Variants in DAB1 observed in about 807,000 individuals in gnomAD.
DAB1 encodes disabled homolog 1.
Under a neutral mutation model 64.6 loss-of-function variants are expected in DAB1, and 15 were observed. The ratio of observed to expected loss-of-function variants is 0.23; its 90% CI spans 0.16 to 0.36. The LOEUF (loss-of-function observed/expected upper bound fraction) is 0.36, where lower values mean the gene tolerates loss of function less well. DAB1 is among the 10% of genes least tolerant of loss of function. The pLI is 1.00. For synonymous variants in DAB1, 235 were observed against 251.9 expected (o/e 0.93, Z 0.64); for missense variants, 596 against 706.7 (o/e 0.84, Z 1.78).
chr1:58,402,945 A>G (rs567440132), intron 3 of DAB1, among the ~76,000 whole-genome samples: 2 of 152,296 alleles, frequency 1.3e-5, no homozygotes, highest in Admixed American at 1.3e-4. Context: ...TGCCTGGCTC[A>G]CAGTAACTCC....
intron 5 of DAB1, among the ~76,000 whole-genome samples, chr1:58,003,424 C>T (rs1193122582): frequency 6.6e-6 from 1 of 152,160 alleles, no homozygotes; most frequent in Non-Finnish European, 1.5e-5. Flanking sequence ...CTTCATTTTA[C>T]CAGACAATTC....
At chr1:57,603,126 C>T (rs1045078844) in intron 7 of DAB1, among the ~76,000 whole-genome samples, 13 of 152,152 alleles carry the variant, frequency 8.5e-5, no homozygotes, top group Admixed American at 8.5e-4. Flanking sequence ...GCATGCACCA[C>T]CACGCCTGGT....
At chr1:57,575,626 C>G (rs1161056366) in intron 7 of DAB1, among the ~76,000 whole-genome samples, 1 of 152,128 alleles carries the variant, frequency 6.6e-6, no homozygotes, top group East Asian at 1.9e-4. Context: ...AATGAAAAAA[C>G]AGAGCTTCAG....
chr1:57,082,332 CA>C (rs1228997599), intron 4 of DAB1, among the ~76,000 whole-genome samples: 1 of 152,136 alleles, frequency 6.6e-6, no homozygotes, highest in African/African-American at 2.4e-5. Flanking sequence ...CAGCTGCAGA[CA>C]AAAGACCTTT....
At chr1:58,309,420 T>C (rs1270160473) in intron 4 of DAB1, among the ~76,000 whole-genome samples, 1 of 152,116 alleles carries the variant, frequency 6.6e-6, no homozygotes. Flanking sequence ...ATACTTAACA[T>C]CTCATTCCTG....
chr1:57,454,966 G>GA (rs912006976), intron 7 of DAB1, among the ~76,000 whole-genome samples: 4 of 152,000 alleles, frequency 2.6e-5, no homozygotes, highest in Non-Finnish European at 4.4e-5. Context: ...AAAGATACAT[G>GA]AAAAAAACAG....
intron 7 of DAB1, among the ~76,000 whole-genome samples, chr1:57,640,949 A>T (rs1001285960): frequency 1.3e-5 from 2 of 152,152 alleles, no homozygotes; most frequent in African/African-American, 4.8e-5. Flanking sequence ...TGTTAGATGA[A>T]ATTCCTATAG....
At chr1:57,225,097 T>C (rs987951920) in intron 2 of DAB1, among the ~76,000 whole-genome samples, 1 of 152,186 alleles carries the variant, frequency 6.6e-6, no homozygotes, top group Non-Finnish European at 1.5e-5. Context: ...TATCTTTTCC[T>C]GGGCTGTTCA....
Position 57,738,587 on chromosome 1 carries a change from G to A in DAB1, n.552-88922C>T, listed in dbSNP as rs536744597. On this transcript the variant is annotated intron_variant and non_coding_transcript_variant, in intron 6 of 20. Transcript: ENST00000485760. ...TAAGTCTATCAGTCCAAACAGTGGG[G>A]TGAGTGTCAGGAATTGATATCTTTG... 4.0e-3 allele frequency among the ~76,000 whole-genome samples: 603 copies of A among 152,230 alleles called. 5 individuals are homozygous for A. Among genetic ancestry groups the A allele is most frequent in the African/African-American group, 0.014 (579 of 41,526 alleles).
chr1:57,600,396 C>T lies in DAB1; in HGVS notation n.625+49196G>A, dbSNP rs115590943. Among the ~76,000 whole-genome samples the T allele has an allele frequency of 7.4e-3, 1,134 of 152,284 alleles. 8 individuals carry two copies. Among genetic ancestry groups the T allele is most frequent in the Non-Finnish European group, 0.012 (847 of 68,024 alleles). On this transcript the variant is annotated intron_variant and non_coding_transcript_variant, in intron 7 of 20. Transcript: ENST00000485760. ...AAATGGGCTTGTCCCATTGTTGAGA[C>T]GGAAAGCTTTACACAAATAATTTCA... is the stretch of plus-strand genomic sequence containing the variant.
chr1:57,412,424 C>T (rs2101061706), intron 1 of DAB1, among the ~76,000 whole-genome samples: 1 of 152,324 alleles, frequency 6.6e-6, no homozygotes, highest in African/African-American at 2.4e-5. Context: ...CCTCTTGTGC[C>T]AGACAGCCAA....
chr1:58,506,340 G>A, intron 2 of DAB1: 1 of 568,800 alleles, frequency 1.8e-6, no homozygotes, highest in Non-Finnish European at 3.1e-6. Context: ...ACAACGTGCA[G>A]GTTTGTTACA....
At chr1:58,202,214 GTTAC>G (rs897421686) in intron 4 of DAB1, among the ~76,000 whole-genome samples, 2 of 152,236 alleles carry the variant, frequency 1.3e-5, no homozygotes, top group African/African-American at 2.4e-5. Flanking sequence ...AGTCAGAGTT[GTTAC>G]TTAATCAATG....
At chr1:58,297,104 T>C (rs1442367963) in intron 4 of DAB1, among the ~76,000 whole-genome samples, 1 of 152,156 alleles carries the variant, frequency 6.6e-6, no homozygotes, top group Admixed American at 6.5e-5. Context: ...GCAAGGTAAG[T>C]AGTATTTAAT....
chr1:57,267,788 G>T (rs566255021), intron 2 of DAB1, among the ~76,000 whole-genome samples: 1 of 152,104 alleles, frequency 6.6e-6, no homozygotes, highest in Non-Finnish European at 1.5e-5. Context: ...AACACATATC[G>T]GGAAACACAG....
At position 57,290,965 on chromosome 1, in the gene DAB1, T is replaced by C. The variant is rs1446554853; in HGVS notation, c.66A>G (p.Lys22=). 1 of 1,610,386 alleles carries C rather than the reference T, an allele frequency of 6.2e-7. No individual in the cohort carries two copies. Among genetic ancestry groups the C allele is most frequent in the East Asian group, 2.2e-5 (1 of 44,752 alleles). The part of the protein sequence containing the change: ...KTSAKKDSRK[K]GQDRSEATLI... The stretch of plus-strand genomic sequence containing the variant: ...AAAAAAGGTCAAATTCAGCCCTACC[T>C]TTCTTTCTGGAGTCTTTCTTGGCGC... The change falls in exon 2 of 15, where the codon AAA becomes AAG. Residue 22 remains lysine (K), a splice_region_variant and synonymous_variant. Transcript: ENST00000371236.
chr1:57,312,960 C>T (rs144763386), intron 1 of DAB1, among the ~76,000 whole-genome samples: 3,368 of 152,196 alleles, frequency 0.022, 61 homozygotes, highest in Admixed American at 0.063. Context: ...GTCACGGCAG[C>T]GCTTGCTCTC....
At chr1:57,310,814 A>G (rs903919356) in intron 1 of DAB1, among the ~76,000 whole-genome samples, 1 of 152,172 alleles carries the variant, frequency 6.6e-6, no homozygotes, top group Non-Finnish European at 1.5e-5. Flanking sequence ...TTAGATGCAG[A>G]GAGTTAAAGT....
At chr1:57,347,788 T>C (rs928209555) in intron 1 of DAB1, among the ~76,000 whole-genome samples, 1 of 152,160 alleles carries the variant, frequency 6.6e-6, no homozygotes, top group African/African-American at 2.4e-5. Context: ...TTTCAAGATT[T>C]TTTTTTTAAG....
Sources: gnomAD v4.1 joint callset for allele counts (sites outside exome capture counted in the v4.1 genomes callset) on GRCh38, gnomAD v4.1.1 for gene constraint, MANE v1.5 for transcripts, NCBI Gene and HGNC (gene_info 2026-07-23, HGNC 2026-07-21) for gene names.